CRISP3: variants seen among roughly 807,000 people sequenced by gnomAD.
The protein encoded by CRISP3 is cysteine rich secretory protein 3, also known as cysteine-rich secretory protein 3.
Under a neutral mutation model 36.1 loss-of-function variants are expected in CRISP3, and 33 were observed. That is an observed-to-expected ratio of 0.91 (90% CI 0.69 to 1.22). CRISP3 has a LOEUF of 1.22. Ranked by LOEUF, CRISP3 falls within the 50% of genes most tolerant of loss-of-function variation. The pLI, the probability that CRISP3 is intolerant of heterozygous loss-of-function variation, is 0.00. For synonymous variants in CRISP3, 117 were observed against 104.6 expected (o/e 1.12, Z -0.72); for missense variants, 330 against 301.2 (o/e 1.10, Z -0.71).
intron 2 of CRISP3, among the ~76,000 whole-genome samples, chr6:49,736,817 C>G (rs1769063950): frequency 6.6e-6 from 1 of 151,974 alleles, no homozygotes; most frequent in East Asian, 1.9e-4. Context: ...CTTATAGTGA[C>G]AAGGGTACAT....
In CRISP3 at chr6:49,728,247, G is replaced by A. The variant is rs1768818149; in HGVS notation, c.*483C>T. 1 of 152,170 alleles carries A rather than the reference G, an allele frequency of 6.6e-6. No homozygotes were observed. Among genetic ancestry groups the A allele is most frequent in the Admixed American group, 6.5e-5 (1 of 15,274 alleles). The allele number at this position is 152,170 out of a possible 1,614,324, so 9.4% of individuals were successfully genotyped here. A position where few individuals can be genotyped will look rare whatever the true frequency, so the allele number is the denominator to read the frequency against. ...CAGCCAGATGATTGGGAAGAAGGGT[G>A]AATGAGTGAAAAGAATTAAGACAGC... On this transcript the variant is annotated 3_prime_UTR_variant, in exon 8 of 8. Coordinates refer to ENST00000263045, the MANE Select transcript of CRISP3 (RefSeq NM_006061.4).
At chr6:49,730,407 G>A (rs1306370590) in intron 7 of CRISP3, among the ~76,000 whole-genome samples, 10 of 151,962 alleles carry the variant, frequency 6.6e-5, no homozygotes, top group African/African-American at 2.4e-4. Flanking sequence ...ACTACACTAT[G>A]GCAAAAATGA....
intron 7 of CRISP3, among the ~76,000 whole-genome samples, chr6:49,729,555 C>A (rs1768863130): frequency 6.6e-6 from 1 of 152,114 alleles, no homozygotes; most frequent in African/African-American, 2.4e-5. Flanking sequence ...CTTGACATTT[C>A]CTTATTATTT....
intron 1 of CRISP3, among the ~76,000 whole-genome samples, chr6:49,743,928 T>G (rs1259246746): frequency 6.6e-6 from 1 of 152,152 alleles, no homozygotes; most frequent in Non-Finnish European, 1.5e-5. Context: ...GCATCCCATA[T>G]AGCTGTATGT....
Position 49,737,586 on chromosome 6 carries a change from C to A in CRISP3, c.38-188G>T, listed in dbSNP as rs1769090755. The A allele has an allele frequency of 7.7e-6, 5 of 647,310 alleles. No individual in the cohort carries two copies. In the East Asian group the frequency reaches 1.4e-4, roughly 18 times the overall value. 40.1% of individuals were successfully genotyped at this position (647,310 alleles called of 1,614,324 possible). A position where few individuals can be genotyped will look rare whatever the true frequency, so the allele number is the denominator to read the frequency against. ...GGATTCAGCTTTCAAAGTATGCATT[C>A]AACTGGGACTATAAAGAACAAACCA... On this transcript the variant is annotated intron_variant, in intron 1 of 7. Coordinates refer to ENST00000263045, the MANE Select transcript of CRISP3 (RefSeq NM_006061.4).
At chr6:49,732,602 A>T (rs942135558) in intron 6 of CRISP3, among the ~76,000 whole-genome samples, 1 of 151,992 alleles carries the variant, frequency 6.6e-6, no homozygotes, top group African/African-American at 2.4e-5. Flanking sequence ...GTTCCATGAA[A>T]TTTTTTTTGT....
intron 6 of CRISP3, among the ~76,000 whole-genome samples, chr6:49,732,752 A>C (rs1768945869): frequency 6.6e-6 from 1 of 152,196 alleles, no homozygotes; most frequent in Non-Finnish European, 1.5e-5. Flanking sequence ...GATAAGCAGG[A>C]GTAAGAGCAT....
chr6:49,738,554 G>T (rs1028913658), intron 1 of CRISP3, among the ~76,000 whole-genome samples: 27 of 152,096 alleles, frequency 1.8e-4, no homozygotes, highest in African/African-American at 6.0e-4. Context: ...TTATTCACTG[G>T]TTCCTCCTGA....
chr6:49,729,687 T>G (rs927260255), intron 7 of CRISP3, among the ~76,000 whole-genome samples: 6 of 152,138 alleles, frequency 3.9e-5, no homozygotes, highest in Non-Finnish European at 5.9e-5. Context: ...TTTTTTTTTG[T>G]AATCAATACT....
chr6:49,734,093 G>A (rs1434035279), intron 4 of CRISP3, among the ~76,000 whole-genome samples: 2 of 152,276 alleles, frequency 1.3e-5, no homozygotes, highest in African/African-American at 2.4e-5. Context: ...ACTTTGAGTA[G>A]ATGGAGAAGC....
chr6:49,743,557 A>G (rs901715641), intron 1 of CRISP3, among the ~76,000 whole-genome samples: 1 of 152,160 alleles, frequency 6.6e-6, no homozygotes, highest in Non-Finnish European at 1.5e-5. Flanking sequence ...TTACTTTAAA[A>G]TCTTCTGTCT....
At chr6:49,732,937 G>A (rs1372817297) in intron 6 of CRISP3, among the ~76,000 whole-genome samples, 1 of 152,166 alleles carries the variant, frequency 6.6e-6, no homozygotes, top group East Asian at 1.9e-4. Context: ...GTAACCGTGA[G>A]CATAGCAAAA....
chr6:49,736,909 C>T (rs527904014), intron 2 of CRISP3, among the ~76,000 whole-genome samples: 3 of 152,226 alleles, frequency 2.0e-5, no homozygotes, highest in African/African-American at 7.2e-5. Flanking sequence ...CCCTAAGACT[C>T]TAGGGGGAAT....
intron 3 of CRISP3, among the ~76,000 whole-genome samples, chr6:49,736,084 T>C (rs891452250): frequency 6.6e-6 from 1 of 152,184 alleles, no homozygotes; most frequent in Non-Finnish European, 1.5e-5. Flanking sequence ...GGAAAAGGTC[T>C]TTCTGATCTC....
intron 1 of CRISP3, among the ~76,000 whole-genome samples, chr6:49,743,245 A>C (rs1243993880): frequency 6.6e-6 from 1 of 152,126 alleles, no homozygotes; most frequent in Non-Finnish European, 1.5e-5. Context: ...TGAAATTCAT[A>C]GCAATTATCA....
chr6:49,743,781 C>CT (rs148789642), intron 1 of CRISP3, among the ~76,000 whole-genome samples: 33 of 148,208 alleles, frequency 2.2e-4, no homozygotes, highest in African/African-American at 4.7e-4. Context: ...TTCTAAAAGC[C>CT]TTTTTTTTTT....
intron 5 of CRISP3, 137 bp downstream of exon 5, chr6:49,733,566 A>T (rs1246678446): frequency 2.4e-6 from 2 of 846,114 alleles, no homozygotes; most frequent in Non-Finnish European, 3.6e-6. Flanking sequence ...CACAGCTGAA[A>T]TACTCACCAA....
chr6:49,737,261 C>T lies in CRISP3; in HGVS notation c.111+64G>A, dbSNP rs1224134315. ...GACCTTTTCACTTTTGAAGATTGAT[C>T]TAGTAGCTTGCCATCCCTCATGGTT... On this transcript the variant is annotated intron_variant, in intron 2 of 7. Coordinates refer to ENST00000263045, the MANE Select transcript of CRISP3 (RefSeq NM_006061.4). The T allele has an allele frequency of 1.1e-5, 14 of 1,266,330 alleles. No homozygotes were observed. The East Asian group carries it at 2.8e-4, about 25-fold the overall frequency. The allele number at this position is 1,266,330 out of a possible 1,614,324, so 78.4% of individuals were successfully genotyped here.
At chr6:49,743,085 A>G (rs551252321) in intron 1 of CRISP3, among the ~76,000 whole-genome samples, 5 of 152,256 alleles carry the variant, frequency 3.3e-5, no homozygotes, top group Non-Finnish European at 5.9e-5. Context: ...CTATGCCAAT[A>G]TGCAAAGTTT....
Sources: gnomAD v4.1 joint callset for allele counts (sites outside exome capture counted in the v4.1 genomes callset) on GRCh38, gnomAD v4.1.1 for gene constraint, MANE v1.5 for transcripts, NCBI Gene and HGNC (gene_info 2026-07-23, HGNC 2026-07-21) for gene names.